LRP5: variants seen among roughly 807,000 people sequenced by gnomAD.
The protein encoded by LRP5 is low-density lipoprotein receptor-related protein 5.
A neutral mutation model predicts 154.1 loss-of-function variants in LRP5; 62 were observed. The ratio of observed to expected loss-of-function variants is 0.40; its 90% CI spans 0.33 to 0.50. The LOEUF (loss-of-function observed/expected upper bound fraction) is 0.50. Among genes scored for constraint, LRP5 ranks in the 20% least tolerant of loss-of-function variants. The pLI, the probability that LRP5 is intolerant of heterozygous loss-of-function variation, is 0.55. For synonymous variants in LRP5, 966 were observed against 1,011.5 expected (o/e 0.96, Z 0.85); for missense variants, 1,915 against 2,336.7 (o/e 0.82, Z 3.72).
chr11:68,365,778 C>A (rs1185214265), intron 5 of LRP5, 76 bp downstream of exon 5: 3 of 1,404,716 alleles, frequency 2.1e-6, no homozygotes, highest in Admixed American at 2.3e-5. Context: ...GCCGGGGGTG[C>A]CCCAGAAGGA....
chr11:68,413,199 G>A lies in LRP5; in HGVS notation c.2504-490G>A, dbSNP rs143421125. On this transcript the variant is annotated intron_variant, in intron 11 of 22. Coordinates refer to ENST00000294304, the MANE Select transcript of LRP5 (RefSeq NM_002335.4). The surrounding 1 kb of genome is among the most constrained non-coding windows in gnomAD (Gnocchi z 5.1). ...AATGATTAAGCTCATTAATCACCCC[G>A]GAGTGAGGACAGACTCAGATGAAAA... 8.8e-4 allele frequency: 222 copies of A among 251,178 alleles called. No individual in the cohort carries two copies. Among genetic ancestry groups the A allele is most frequent in the African/African-American group, 4.4e-3 (201 of 45,442 alleles). 15.6% of individuals were successfully genotyped at this position (251,178 alleles called of 1,614,324 possible). A position where few individuals can be genotyped will look rare whatever the true frequency, so the allele number is the denominator to read the frequency against.
chr11:68,340,983 C>G (rs867961889), intron 1 of LRP5, among the ~76,000 whole-genome samples: 13 of 146,356 alleles, frequency 8.9e-5, no homozygotes, highest in Non-Finnish European at 1.9e-4. Flanking sequence ...TTACCGCAGT[C>G]ATTTTGTTAC....
intron 1 of LRP5, among the ~76,000 whole-genome samples, chr11:68,330,909 G>A (rs766748576): frequency 1.3e-5 from 2 of 152,214 alleles, no homozygotes; most frequent in Non-Finnish European, 2.9e-5. Flanking sequence ...GATTCAGGGC[G>A]CCTCTGACCG....
intron 21 of LRP5, among the ~76,000 whole-genome samples, chr11:68,443,585 A>ATATAT (rs1259673892): frequency 3.2e-4 from 8 of 24,828 alleles, no homozygotes; most frequent in African/African-American, 1.1e-3. Flanking sequence ...ATATATATAT[A>ATATAT]TTTTTTTTTT....
the LRP5 span, among the ~76,000 whole-genome samples, chr11:68,301,126 T>C: frequency 2.7e-5 from 4 of 148,566 alleles, no homozygotes; most frequent in African/African-American, 9.7e-5. Flanking sequence ...GAGACAGGGT[T>C]ACACCATGTT....
At chr11:68,365,206 T>G (rs1207470112) in intron 4 of LRP5, among the ~76,000 whole-genome samples, 2 of 152,094 alleles carry the variant, frequency 1.3e-5, no homozygotes, top group Non-Finnish European at 2.9e-5. Context: ...AGGGGTGTCC[T>G]TTGGGGGCTC....
intron 12 of LRP5, 152 bp from the exon 13 acceptor site, chr11:68,416,176 C>G: frequency 4.3e-6 from 3 of 698,580 alleles, no homozygotes; most frequent in East Asian, 2.6e-5. Flanking sequence ...TAGCGCACCC[C>G]CAAGAGACAG....
intron 5 of LRP5, among the ~76,000 whole-genome samples, chr11:68,372,942 ACT>A (rs2098635112): frequency 6.6e-6 from 1 of 151,340 alleles, no homozygotes; most frequent in Non-Finnish European, 1.5e-5. Context: ...AATCACTCAG[ACT>A]CTTAAGACAC....
At chr11:68,440,762 G>C (rs1203376723) in intron 21 of LRP5, among the ~76,000 whole-genome samples, 3 of 151,842 alleles carry the variant, frequency 2.0e-5, no homozygotes, top group African/African-American at 7.3e-5. Context: ...TTGTCTTCTT[G>C]TTTTCTTTTT....
intron 5 of LRP5, among the ~76,000 whole-genome samples, chr11:68,378,299 G>A (rs1442112772): frequency 1.3e-5 from 2 of 152,194 alleles, no homozygotes; most frequent in Admixed American, 6.5e-5. Flanking sequence ...GGCTCAGGCC[G>A]CTGGGCGACG....
At chr11:68,300,499 G>T in the LRP5 span, among the ~76,000 whole-genome samples, 1 of 149,590 alleles carries the variant, frequency 6.7e-6, no homozygotes, top group South Asian at 2.1e-4. Context: ...CAAAATAGAT[G>T]CCCCTGCCCA....
At chr11:68,329,296 A>G (rs1320720020) in intron 1 of LRP5, among the ~76,000 whole-genome samples, 1 of 152,240 alleles carries the variant, frequency 6.6e-6, no homozygotes, top group Non-Finnish European at 1.5e-5. Context: ...GGTGGGCTCT[A>G]AGAGATGTTT....
chr11:68,325,288 G>A (rs2098598999), intron 1 of LRP5, among the ~76,000 whole-genome samples: 1 of 152,208 alleles, frequency 6.6e-6, no homozygotes, highest in South Asian at 2.1e-4. Flanking sequence ...CAGGATGAAA[G>A]GCAGACGGGA....
chr11:68,329,997 C>A (rs2098601818), intron 1 of LRP5, among the ~76,000 whole-genome samples: 2 of 152,236 alleles, frequency 1.3e-5, no homozygotes, highest in Admixed American at 1.3e-4. Flanking sequence ...CTGCCCTAAA[C>A]CTTCTAATTA....
chr11:68,443,587 T>G (rs11228239), intron 21 of LRP5, among the ~76,000 whole-genome samples: 1 of 16,224 alleles, frequency 6.2e-5, no homozygotes, highest in Non-Finnish European at 1.3e-4. Flanking sequence ...ATATATATAT[T>G]TTTTTTTTTT....
intron 7 of LRP5, among the ~76,000 whole-genome samples, chr11:68,396,832 C>A (rs1301900071): frequency 1.3e-5 from 2 of 152,180 alleles, no homozygotes; most frequent in African/African-American, 2.4e-5. Context: ...CTGGGGCCCA[C>A]CCAGGGCAGT....
rs150859573 is a variant in LRP5 at position 68,357,800 on chromosome 11, C to T, written c.639C>T (p.Asp213=). 3.1e-4 allele frequency: 495 copies of T among 1,613,988 alleles called. No homozygotes were observed. The highest frequency in any genetic ancestry group is 4.0e-4 in the East Asian group (18 of 44,868). ...AGGAGCAGAAGCTCTACTGGGCTGA[C>T]GCCAAGCTCAGCTTCATCCACCGTG... The part of the protein sequence containing the change: ...DLEEQKLYWA[D]AKLSFIHRAN... The change falls in exon 3 of 23, where the codon GAC becomes GAT. Residue 213 remains aspartate, a synonymous_variant. Coordinates refer to ENST00000294304, the MANE Select transcript of LRP5 (RefSeq NM_002335.4).
rs960252102 is a variant in LRP5, at chr11:68,353,694, C to T, written c.489-3956C>T. Among the ~76,000 whole-genome samples the T allele has an allele frequency of 2.6e-5, 4 of 152,306 alleles. No homozygotes were observed. The South Asian group carries it at 8.3e-4, about 32-fold the overall frequency. Reference sequence around the variant, plus strand: ...GAGCCCCCGTCATCTCCTGTGCCCTCCTGCAGTGCTGTCCCCCACCAGGGT... The same window carrying T: ...GAGCCCCCGTCATCTCCTGTGCCCTTCTGCAGTGCTGTCCCCCACCAGGGT... On this transcript the variant is annotated intron_variant, in intron 2 of 22. Coordinates refer to ENST00000294304, the MANE Select transcript of LRP5 (RefSeq NM_002335.4). The surrounding 1 kb of genome is among the most constrained non-coding windows in gnomAD (Gnocchi z 4.5).
At chr11:68,410,228 C>T (rs1480936121) in intron 10 of LRP5, 88 bp downstream of exon 10, 23 of 1,071,516 alleles carry the variant, frequency 2.1e-5, no homozygotes, top group South Asian at 1.2e-4. Context: ...GCAGGCTGTC[C>T]GTGTGGCCCT....
Sources: gnomAD v4.1 joint callset for allele counts (sites outside exome capture counted in the v4.1 genomes callset) on GRCh38, gnomAD v4.1.1 for gene constraint, Gnocchi (gnomAD v3.1) non-coding constraint, MANE v1.5 for transcripts, NCBI Gene and HGNC (gene_info 2026-07-23, HGNC 2026-07-21) for gene names.